The following CDH7 variants were observed in gnomAD, a reference collection of about 807,000 sequenced individuals.
CDH7 encodes the protein cadherin-7.
CDH7 carries 25 observed loss-of-function variants against 71.8 expected under a neutral mutation model. The observed-to-expected ratio is 0.35, with a 90% CI of 0.25 to 0.49. The LOEUF (loss-of-function observed/expected upper bound fraction) is 0.49, where lower values mean the gene tolerates loss of function less well. Ranked by LOEUF, CDH7 falls within the 20% of genes least tolerant of loss-of-function variation. The pLI is 0.99. For synonymous variants in CDH7, 381 were observed against 363.8 expected (o/e 1.05, Z -0.54); for missense variants, 862 against 974.6 (o/e 0.88, Z 1.54).
intron 6 of CDH7, among the ~76,000 whole-genome samples, chr18:65,829,345 C>T (rs1912250056): frequency 6.6e-6 from 1 of 151,934 alleles, no homozygotes; most frequent in Non-Finnish European, 1.5e-5. Context: ...GTCTCGATCT[C>T]CTGAACTTGT....
intron 2 of CDH7, among the ~76,000 whole-genome samples, chr18:65,794,564 G>T (rs1471802975): frequency 6.6e-6 from 1 of 151,756 alleles, no homozygotes; most frequent in Non-Finnish European, 1.5e-5. Flanking sequence ...CCAGTTGGGG[G>T]TCGGGAGCAA....
Position 65,883,246 on chromosome 18 carries a change from A to G in CDH7, c.*2352A>G, listed in dbSNP as rs1045262839. On this transcript the variant is annotated 3_prime_UTR_variant, in exon 12 of 12. Coordinates refer to ENST00000397968, the MANE Select transcript of CDH7 (RefSeq NM_004361.5). ...ATTTTTTAATTAAAAAAATTAATTT[A>G]AAAAATTAATTTTTGAGATGGCTGG... The G allele has an allele frequency of 1.3e-5, 2 of 151,876 alleles. No individual in the cohort carries two copies. The highest frequency in any genetic ancestry group is 4.8e-5 in the African/African-American group (2 of 41,268). 9.4% of individuals were successfully genotyped at this position (151,876 alleles called of 1,614,324 possible). A position where few individuals can be genotyped will look rare whatever the true frequency, so the allele number is the denominator to read the frequency against.
chr18:65,885,120 T>C lies in CDH7; in HGVS notation c.*4226T>C, dbSNP rs1221783316. The C allele has an allele frequency of 6.6e-6, 1 of 152,074 alleles. No individual in the cohort carries two copies. The highest frequency in any genetic ancestry group is 1.5e-5 in the Non-Finnish European group (1 of 67,998). The allele number at this position is 152,074 out of a possible 1,614,324, so 9.4% of individuals were successfully genotyped here. A position where few individuals can be genotyped will look rare whatever the true frequency, so the allele number is the denominator to read the frequency against. On this transcript the variant is annotated 3_prime_UTR_variant, in exon 12 of 12. Coordinates refer to ENST00000397968, the MANE Select transcript of CDH7 (RefSeq NM_004361.5). Reference sequence around the variant, plus strand: ...AATCATGTTAGTCGGCTGGATATAATAAAGAACAAGAAAGGAATAATAGCA... The same window carrying C: ...AATCATGTTAGTCGGCTGGATATAACAAAGAACAAGAAAGGAATAATAGCA...
At chr18:65,878,931 A>C (rs560966822) in intron 11 of CDH7, among the ~76,000 whole-genome samples, 1 of 152,252 alleles carries the variant, frequency 6.6e-6, no homozygotes, top group Non-Finnish European at 1.5e-5. Flanking sequence ...GAAAAGGAAA[A>C]AGTGCCACAA....
intron 11 of CDH7, among the ~76,000 whole-genome samples, chr18:65,877,953 T>C (rs1599070012): frequency 6.6e-6 from 1 of 152,302 alleles, no homozygotes; most frequent in South Asian, 2.1e-4. Context: ...TTGAAAGTAC[T>C]AAGCATACAG....
At chr18:65,867,485 A>G (rs1310235256) in intron 11 of CDH7, among the ~76,000 whole-genome samples, 2 of 152,200 alleles carry the variant, frequency 1.3e-5, no homozygotes, top group East Asian at 3.8e-4. Flanking sequence ...AAAAAATTCT[A>G]TGAATGACTA....
rs545060438 is a variant in CDH7 at position 65,809,651 on chromosome 18, A to G, written c.211-53A>G. 27 of 1,434,016 alleles carry G rather than the reference A, an allele frequency of 1.9e-5. No individual in the cohort carries two copies. The African/African-American group carries it at 2.3e-4, about 12-fold the overall frequency. 88.8% of individuals were successfully genotyped at this position (1,434,016 alleles called of 1,614,324 possible). A position where few individuals can be genotyped will look rare whatever the true frequency, so the allele number is the denominator to read the frequency against. ...ATAAGAATTATTTTTACATATCTCC[A>G]TATCACTGACTCTCTTGTAAGTTAA... is the stretch of plus-strand genomic sequence containing the variant. On this transcript the variant is annotated intron_variant, in intron 2 of 11. Transcript: ENST00000397968.
intron 2 of CDH7, among the ~76,000 whole-genome samples, chr18:65,781,046 C>T (rs1049666574): frequency 1.3e-5 from 2 of 150,118 alleles, no homozygotes; most frequent in Non-Finnish European, 3.0e-5. Context: ...CAATACTCTT[C>T]GGAAGTCAAT....
Position 65,859,063 on chromosome 18 carries a change from C to A in CDH7, c.1494+17C>A. 6.2e-7 allele frequency: 1 copy of A among 1,608,142 alleles called. No homozygotes were observed. Reference sequence around the variant, plus strand: ...CCGGGGCAGGTAAGAGTCTTCAGAACACTTTGCTTCTAATTTGTGGTTTCT... The same window carrying A: ...CCGGGGCAGGTAAGAGTCTTCAGAAAACTTTGCTTCTAATTTGTGGTTTCT... On this transcript the variant is annotated intron_variant, in intron 9 of 11. Transcript: ENST00000397968.
At chr18:65,873,530 T>G (rs1264802188) in intron 11 of CDH7, among the ~76,000 whole-genome samples, 1 of 152,224 alleles carries the variant, frequency 6.6e-6, no homozygotes, top group Admixed American at 6.5e-5. Flanking sequence ...TCCATGAAGA[T>G]TATTGAGACA....
rs147447322 is a variant in CDH7 at position 65,757,115 on chromosome 18, G to A, written c.-196-5532G>A. On this transcript the variant is annotated intron_variant, in intron 1 of 11. Coordinates refer to ENST00000397968, the MANE Select transcript of CDH7 (RefSeq NM_004361.5). ...GTTTGAAAACACCATTTGATTAAGA[G>A]CACGATAGTCACTTGATCTGTTAAA... is the stretch of plus-strand genomic sequence containing the variant. Among the ~76,000 whole-genome samples, 22 of 151,734 alleles carry A rather than the reference G, an allele frequency of 1.4e-4. No individual in the cohort carries two copies. In the East Asian group the frequency reaches 3.7e-3, roughly 25 times the overall value.
At chr18:65,804,988 A>G (rs995562508) in intron 2 of CDH7, among the ~76,000 whole-genome samples, 4 of 152,116 alleles carry the variant, frequency 2.6e-5, no homozygotes, top group Admixed American at 6.6e-5. Flanking sequence ...TTTTTCTTTA[A>G]AAAGCTATTA....
intron 10 of CDH7, among the ~76,000 whole-genome samples, chr18:65,860,330 A>G (rs1913519123): frequency 6.6e-6 from 1 of 152,168 alleles, no homozygotes; most frequent in African/African-American, 2.4e-5. Context: ...TTATGATGCT[A>G]AGAAATATAA....
intron 11 of CDH7, among the ~76,000 whole-genome samples, chr18:65,874,641 A>G (rs1040056661): frequency 6.6e-6 from 1 of 152,092 alleles, no homozygotes; most frequent in Non-Finnish European, 1.5e-5. Context: ...CATGTAAAAA[A>G]ATCTGCACTT....
intron 7 of CDH7, among the ~76,000 whole-genome samples, chr18:65,854,471 G>T (rs1211191410): frequency 2.0e-5 from 3 of 151,752 alleles, no homozygotes; most frequent in Non-Finnish European, 4.4e-5. Flanking sequence ...GGCAAATACT[G>T]GTTGGAGACC....
Position 65,789,671 on chromosome 18 carries a change from A to G in CDH7, c.211-20033A>G, listed in dbSNP as rs151176914. On this transcript the variant is annotated intron_variant, in intron 2 of 11. Coordinates refer to ENST00000397968, the MANE Select transcript of CDH7 (RefSeq NM_004361.5). ...CTGAAAAATGGTCATGGATGAATTT[A>G]AAAGGATCAGATAAATAACAATTAT... 1.2e-3 allele frequency among the ~76,000 whole-genome samples: 179 copies of G among 152,246 alleles called. 1 individual carries two copies. The highest frequency in any genetic ancestry group is 1.3e-3 in the Non-Finnish European group (88 of 68,014).
chr18:65,800,743 AT>A (rs1257398760), intron 2 of CDH7, among the ~76,000 whole-genome samples: 1 of 152,210 alleles, frequency 6.6e-6, no homozygotes, highest in Non-Finnish European at 1.5e-5. Context: ...TAATATATTT[AT>A]GTGATAAGAC....
chr18:65,790,407 A>G (rs937526070), intron 2 of CDH7, among the ~76,000 whole-genome samples: 1 of 152,094 alleles, frequency 6.6e-6, no homozygotes, highest in Non-Finnish European at 1.5e-5. Flanking sequence ...TTGATTGTTA[A>G]CAGGGCCCCT....
intron 6 of CDH7, among the ~76,000 whole-genome samples, chr18:65,835,725 C>G (rs1912510036): frequency 6.6e-6 from 1 of 152,146 alleles, no homozygotes; most frequent in South Asian, 2.1e-4. Flanking sequence ...GAAATGCAGT[C>G]CTTTCCAAGG....
Sources: allele counts gnomAD v4.1 joint callset (sites outside exome capture counted in the v4.1 genomes callset), GRCh38; gene constraint gnomAD v4.1.1; transcripts MANE v1.5; gene names NCBI Gene and HGNC (gene_info 2026-07-23, HGNC 2026-07-21).